PCSK5: variants seen among roughly 807,000 people sequenced by gnomAD.
The protein encoded by PCSK5 is proprotein convertase subtilisin/kexin type 5.
A neutral mutation model predicts 233.2 loss-of-function variants in PCSK5; 129 were observed. The ratio of observed to expected loss-of-function variants is 0.55; its 90% CI spans 0.48 to 0.64. The LOEUF (loss-of-function observed/expected upper bound fraction) is 0.64. Ranked by LOEUF, PCSK5 falls within the 30% of genes least tolerant of loss-of-function variation. The pLI, the probability that PCSK5 is intolerant of heterozygous loss-of-function variation, is 0.00. For synonymous variants in PCSK5, 825 were observed against 879.2 expected, an observed-to-expected ratio of 0.94 and a Z score of 1.09; for missense variants, 2,076 against 2,430.1, an observed-to-expected ratio of 0.85 and a Z score of 3.06.
chr9:75,890,083 C>G (rs1266518521), upstream of PCSK5, among the ~76,000 whole-genome samples: 2 of 152,330 alleles, frequency 1.3e-5, no homozygotes, highest in East Asian at 3.9e-4. Flanking sequence ...TCTCCCGTGG[C>G]GTTGCCTAGT....
At chr9:76,075,250 T>C (rs996130690) in intron 7 of PCSK5, among the ~76,000 whole-genome samples, 2 of 146,572 alleles carry the variant, frequency 1.4e-5, no homozygotes, top group Non-Finnish European at 2.9e-5. Context: ...AATAATAATA[T>C]GATGCAAGTC....
intron 9 of PCSK5, among the ~76,000 whole-genome samples, chr9:76,122,758 A>G (rs1832690917): frequency 6.6e-6 from 1 of 151,826 alleles, no homozygotes; most frequent in South Asian, 2.1e-4. Flanking sequence ...TTTTCTCCTG[A>G]CATAAATGGA....
chr9:76,095,525 T>A (rs1348834628), intron 7 of PCSK5, among the ~76,000 whole-genome samples: 1 of 152,162 alleles, frequency 6.6e-6, no homozygotes, highest in Non-Finnish European at 1.5e-5. Flanking sequence ...TAAAAAAAAA[T>A]TTAATTGAAT....
At chr9:75,984,380 A>C (rs1378206424) in intron 2 of PCSK5, among the ~76,000 whole-genome samples, 1 of 152,168 alleles carries the variant, frequency 6.6e-6, no homozygotes, top group Non-Finnish European at 1.5e-5. Flanking sequence ...TTTCCGGTTT[A>C]TGCACACATA....
At chr9:76,233,217 G>A (rs1047754191) in intron 21 of PCSK5, among the ~76,000 whole-genome samples, 1 of 152,242 alleles carries the variant, frequency 6.6e-6, no homozygotes, top group African/African-American at 2.4e-5. Context: ...TTTGGAAGCA[G>A]ATTCGGGATT....
chr9:75,929,780 G>T (rs967472834), intron 1 of PCSK5, among the ~76,000 whole-genome samples: 6 of 152,076 alleles, frequency 3.9e-5, no homozygotes, highest in African/African-American at 1.4e-4. Context: ...AGGGTGAAAG[G>T]CACGTCTCAC....
At chr9:76,258,991 A>G (rs1247336687) in intron 24 of PCSK5, among the ~76,000 whole-genome samples, 1 of 152,206 alleles carries the variant, frequency 6.6e-6, no homozygotes, top group African/African-American at 2.4e-5. Flanking sequence ...TTGGGACCCT[A>G]GCAAGCAACC....
At chr9:76,187,929 C>CA (rs1824183660) in intron 17 of PCSK5, among the ~76,000 whole-genome samples, 4 of 152,032 alleles carry the variant, frequency 2.6e-5, no homozygotes, top group Admixed American at 2.6e-4. Flanking sequence ...AATAGCAGTA[C>CA]AGTTAGTTTT....
Position 76,021,297 on chromosome 9 carries a change from G to T in PCSK5, c.412-2441G>T, listed in dbSNP as rs1311637647. Among the ~76,000 whole-genome samples the T allele has an allele frequency of 2.0e-5, 3 of 152,144 alleles. No homozygotes were observed. The South Asian group carries it at 6.2e-4, about 32-fold the overall frequency. On this transcript the variant is annotated intron_variant, in intron 3 of 37. Transcript: ENST00000674117. The stretch of plus-strand genomic sequence containing the variant: ...GTTTGGCACAATTCACTGGGTCGTT[G>T]TTGGATTGCATAGAACAGAGAGAGA...
At position 76,101,060 on chromosome 9, in the gene PCSK5, C is replaced by T. The variant is rs187154066; in HGVS notation, c.1107+4958C>T. Among the ~76,000 whole-genome samples the T allele has an allele frequency of 6.2e-4, 94 of 152,264 alleles. 1 individual carries two copies. The highest frequency in any genetic ancestry group is 1.5e-3 in the African/African-American group (63 of 41,544). On this transcript the variant is annotated intron_variant, in intron 8 of 37. Coordinates refer to ENST00000674117, the MANE Select transcript of PCSK5 (RefSeq NM_001372043.1). Reference sequence around the variant, plus strand: ...CTCCACCACTCTCTACTCCTTTACCCGGTTCAATTTTTTTTTCTAGTGCAC... The same window carrying T: ...CTCCACCACTCTCTACTCCTTTACCTGGTTCAATTTTTTTTTCTAGTGCAC...
intron 14 of PCSK5, among the ~76,000 whole-genome samples, chr9:76,178,954 G>T (rs1408888812): frequency 2.0e-5 from 3 of 152,100 alleles, no homozygotes; most frequent in African/African-American, 7.2e-5. Context: ...TTCATCCCAG[G>T]TCTGGAATCC....
chr9:75,908,519 C>G (rs1822509323), intron 1 of PCSK5, among the ~76,000 whole-genome samples: 1 of 152,178 alleles, frequency 6.6e-6, no homozygotes, highest in South Asian at 2.1e-4. Context: ...GCTTCTTCCT[C>G]TCCCTTTTTC....
chr9:76,031,778 C>G (rs1242370084), intron 5 of PCSK5, among the ~76,000 whole-genome samples: 1 of 152,182 alleles, frequency 6.6e-6, no homozygotes, highest in Non-Finnish European at 1.5e-5. Context: ...TACATAATTA[C>G]AGTTGTTATT....
intron 3 of PCSK5, among the ~76,000 whole-genome samples, chr9:76,018,253 A>G (rs1828034350): frequency 6.6e-6 from 1 of 152,160 alleles, no homozygotes; most frequent in Admixed American, 6.6e-5. Flanking sequence ...GTAGTTTAAA[A>G]CTAGCCATGA....
At chr9:76,336,046 T>C (rs1303561389) in intron 34 of PCSK5, among the ~76,000 whole-genome samples, 16 of 150,364 alleles carry the variant, frequency 1.1e-4, no homozygotes, top group Admixed American at 7.3e-4. Flanking sequence ...TGGTTTCTTT[T>C]CTTGAGTCTT....
chr9:75,896,169 A>G (rs1469457339), intron 1 of PCSK5, among the ~76,000 whole-genome samples: 1 of 152,160 alleles, frequency 6.6e-6, no homozygotes, highest in African/African-American at 2.4e-5. Flanking sequence ...TGATGAGGCA[A>G]ATGAAGGGAT....
chr9:75,906,019 C>T (rs1334185338), intron 1 of PCSK5, among the ~76,000 whole-genome samples: 1 of 152,116 alleles, frequency 6.6e-6, no homozygotes, highest in Non-Finnish European at 1.5e-5. Context: ...CTACTAGGCA[C>T]AATACAATTA....
chr9:76,002,422 T>C (rs777433692), intron 3 of PCSK5, among the ~76,000 whole-genome samples: 1 of 152,180 alleles, frequency 6.6e-6, no homozygotes, highest in Non-Finnish European at 1.5e-5. Context: ...TTTCACACAA[T>C]TACTGCAAAA....
In PCSK5 at chr9:76,028,393, A is replaced by T. The variant is rs552109828; in HGVS notation, c.632+1356A>T. ...TTATTGCTCAAATCAGCCTCCCCAG[A>T]CATATGGAGATCAGAGTTTTTAAAG... On this transcript the variant is annotated intron_variant, in intron 5 of 37. Transcript: ENST00000674117. Among the ~76,000 whole-genome samples, 5 of 152,276 alleles carry T rather than the reference A, an allele frequency of 3.3e-5. No individual in the cohort carries two copies. In the South Asian group the frequency reaches 1.0e-3, roughly 32 times the overall value.
Sources: allele counts gnomAD v4.1 joint callset (sites outside exome capture counted in the v4.1 genomes callset), GRCh38; gene constraint gnomAD v4.1.1; transcripts MANE v1.5; gene names NCBI Gene and HGNC (gene_info 2026-07-23, HGNC 2026-07-21).